MCC: variants seen among roughly 807,000 people sequenced by gnomAD.
The protein encoded by MCC is colorectal mutant cancer protein.
Under a neutral mutation model 116.2 loss-of-function variants are expected in MCC, and 90 were observed. That is an observed-to-expected ratio of 0.77 (90% confidence interval 0.65 to 0.92). The LOEUF is 0.92. Among genes scored for constraint, MCC ranks in the 40% least tolerant of loss-of-function variants. MCC has a pLI of 0.00. For synonymous variants in MCC, 578 were observed against 510.5 expected (o/e 1.13, Z -1.78); for missense variants, 1,516 against 1,312.2 (o/e 1.16, Z -2.40).
chr5:113,484,152 G>A (rs1772453771), intron 1 of MCC, among the ~76,000 whole-genome samples: 1 of 152,048 alleles, frequency 6.6e-6, no homozygotes, highest in African/African-American at 2.4e-5. Flanking sequence ...ACTATAGTGG[G>A]CACTAGGCTT....
intron 1 of MCC, among the ~76,000 whole-genome samples, chr5:113,478,147 G>T (rs1772282480): frequency 6.6e-6 from 1 of 152,172 alleles, no homozygotes; most frequent in Non-Finnish European, 1.5e-5. Context: ...TCACATAGTG[G>T]CAGAGCCTAG....
In MCC at chr5:113,083,022, C is replaced by T. The variant is rs1399790436; in HGVS notation, c.1636-14G>A. 1 of 1,607,920 alleles carries T rather than the reference C, an allele frequency of 6.2e-7. No individual in the cohort carries two copies. The highest frequency in any genetic ancestry group is 1.3e-5 in the African/African-American group (1 of 74,720). ...ACTGCTGGATACCTGCAAAAAGAAG[C>T]ATTAATTCCCCTTTGGAACATATCA... is the stretch of plus-strand genomic sequence containing the variant. On this transcript the variant is annotated splice_polypyrimidine_tract_variant and intron_variant, in intron 10 of 18. Coordinates refer to ENST00000408903, the MANE Select transcript of MCC (RefSeq NM_001085377.2).
intron 1 of MCC, among the ~76,000 whole-genome samples, chr5:113,457,785 G>A (rs13354004): frequency 7.0e-6 from 1 of 143,542 alleles, no homozygotes; most frequent in South Asian, 2.2e-4. Flanking sequence ...TGGGGCCTTG[G>A]AGAACCTTTA....
chr5:113,244,764 A>C (rs982536219), intron 3 of MCC, among the ~76,000 whole-genome samples: 1 of 152,252 alleles, frequency 6.6e-6, no homozygotes, highest in Non-Finnish European at 1.5e-5. Flanking sequence ...GTGCTTCCCT[A>C]AAGTAATTAA....
At chr5:113,459,820 T>C (rs1011055203) in intron 1 of MCC, among the ~76,000 whole-genome samples, 4 of 78,270 alleles carry the variant, frequency 5.1e-5, no homozygotes, top group African/African-American at 2.5e-4. Context: ...AGAATCGCTA[T>C]GGAAAACACA....
chr5:113,067,153 G>C (rs963277725), intron 13 of MCC, among the ~76,000 whole-genome samples: 37 of 152,166 alleles, frequency 2.4e-4, no homozygotes, highest in African/African-American at 8.4e-4. Flanking sequence ...TCAAAATTGA[G>C]GGACAGAAGT....
intron 3 of MCC, among the ~76,000 whole-genome samples, chr5:113,202,393 A>G (rs924086833): frequency 3.9e-5 from 6 of 152,142 alleles, no homozygotes; most frequent in African/African-American, 1.4e-4. Context: ...TCCAGGACTG[A>G]TAACCTACAC....
At chr5:113,047,997 C>T (rs1040789428) in intron 16 of MCC, among the ~76,000 whole-genome samples, 9 of 152,176 alleles carry the variant, frequency 5.9e-5, no homozygotes, top group South Asian at 2.1e-4. Context: ...ACGGTAGCAA[C>T]GCCAGCAGGA....
intron 2 of MCC, among the ~76,000 whole-genome samples, chr5:113,348,821 G>A (rs747698796): frequency 7.3e-5 from 11 of 151,428 alleles, no homozygotes; most frequent in Non-Finnish European, 1.5e-4. Flanking sequence ...GCCAGACTAA[G>A]AATAAAAAAA....
At chr5:113,069,074 A>G (rs1440062050) in intron 12 of MCC, among the ~76,000 whole-genome samples, 1 of 152,270 alleles carries the variant, frequency 6.6e-6, no homozygotes, top group African/African-American at 2.4e-5. Flanking sequence ...TGAGTTAAAT[A>G]AAATGAAAAA....
rs561789390 is a variant in MCC, at chr5:113,488,403, G to T, written c.12C>A (p.Ala4=). 2.1e-6 allele frequency: 3 copies of T among 1,396,794 alleles called. No homozygotes were observed. The highest frequency in any genetic ancestry group is 1.8e-5 in the South Asian group (1 of 56,162). 86.5% of individuals were successfully genotyped at this position (1,396,794 alleles called of 1,614,324 possible). Reference sequence around the variant, plus strand: ...AGCTCCCCGCAGCCGCTGCCGCCGCGGCCGCCATCATGCGCCCGCTCCCTA... The same window carrying T: ...AGCTCCCCGCAGCCGCTGCCGCCGCTGCCGCCATCATGCGCCCGCTCCCTA... MMA[A]AAAAAAGSSS... is the part of the protein sequence containing the mutation. Residue 4 remains alanine (A), a synonymous_variant, in exon 1 of 19, where the codon GCC becomes GCA. Coordinates refer to ENST00000408903, the MANE Select transcript of MCC (RefSeq NM_001085377.2).
At chr5:113,134,545 G>A (rs1332427724) in intron 5 of MCC, among the ~76,000 whole-genome samples, 1 of 111,562 alleles carries the variant, frequency 9.0e-6, no homozygotes, top group African/African-American at 3.3e-5. Context: ...ATTGGCTTTG[G>A]CTATTTGGGC....
intron 3 of MCC, among the ~76,000 whole-genome samples, chr5:113,208,700 A>G (rs202072714): frequency 6.6e-6 from 1 of 152,226 alleles, no homozygotes; most frequent in East Asian, 1.9e-4. Flanking sequence ...AAGAGGAGTC[A>G]CAGAAAATTC....
intron 1 of MCC, among the ~76,000 whole-genome samples, chr5:113,402,951 A>G (rs1427690778): frequency 1.3e-5 from 2 of 152,170 alleles, no homozygotes; most frequent in African/African-American, 4.8e-5. Flanking sequence ...AATTTATTGT[A>G]GAGACAGGTC....
rs200193019 is a variant in MCC at position 113,255,317 on chromosome 5, A to G, written c.627+85202T>C. On this transcript the variant is annotated intron_variant, in intron 3 of 18. Transcript: ENST00000408903. The stretch of plus-strand genomic sequence containing the variant: ...GTCTTGCTAAGAAGAAAGTTTTGCA[A>G]TTTTTCCTTCCCTGTTTTTCCTATG... 4.6e-5 allele frequency among the ~76,000 whole-genome samples: 7 copies of G among 152,280 alleles called. No homozygotes were observed. In the East Asian group the frequency reaches 9.7e-4, roughly 21 times the overall value.
intron 1 of MCC, among the ~76,000 whole-genome samples, chr5:113,466,699 A>C (rs1159099225): frequency 6.6e-6 from 1 of 152,160 alleles, no homozygotes; most frequent in African/African-American, 2.4e-5. Flanking sequence ...GTATATACCC[A>C]GTAATGGAAT....
chr5:113,412,691 T>C (rs142410770), intron 1 of MCC, among the ~76,000 whole-genome samples: 1 of 152,252 alleles, frequency 6.6e-6, no homozygotes, highest in Non-Finnish European at 1.5e-5. Flanking sequence ...TGGGGTTTTC[T>C]AAATATGCAA....
At chr5:113,290,056 C>A (rs1397867312) in intron 3 of MCC, among the ~76,000 whole-genome samples, 7 of 152,318 alleles carry the variant, frequency 4.6e-5, no homozygotes, top group African/African-American at 1.7e-4. Flanking sequence ...AGCACAGCTG[C>A]GAGCTGGCCA....
chr5:113,295,042 C>A, intron 3 of MCC: 1 of 751,934 alleles, frequency 1.3e-6, no homozygotes, highest in Non-Finnish European at 1.6e-6. Flanking sequence ...GCCTGGAGGC[C>A]GAGCAGAGGA....
Sources: allele counts gnomAD v4.1 joint callset (sites outside exome capture counted in the v4.1 genomes callset), GRCh38; gene constraint gnomAD v4.1.1; transcripts MANE v1.5; gene names NCBI Gene and HGNC (gene_info 2026-07-23, HGNC 2026-07-21).